The following TMPRSS11D variants were observed in gnomAD, a reference collection of about 807,000 sequenced individuals.
TMPRSS11D encodes the protein transmembrane protease serine 11D.
Under a neutral mutation model 44.4 loss-of-function variants are expected in TMPRSS11D, and 32 were observed. The ratio of observed to expected loss-of-function variants is 0.72; its 90% CI spans 0.54 to 0.97. The LOEUF (loss-of-function observed/expected upper bound fraction) is 0.97. Among genes scored for constraint, TMPRSS11D ranks in the 50% least tolerant of loss-of-function variants. The pLI, the probability that TMPRSS11D is intolerant of heterozygous loss-of-function variation, is 0.00. For missense variants in TMPRSS11D, 446 were observed against 502.6 expected, an observed-to-expected ratio of 0.89 and a Z score of 1.08; for synonymous variants, 179 against 177.9, an observed-to-expected ratio of 1.01 and a Z score of -0.05.
In TMPRSS11D at chr4:67,841,272, C is replaced by G. The variant is rs112025079; in HGVS notation, c.317+1286G>C. 1.9e-3 allele frequency among the ~76,000 whole-genome samples: 285 copies of G among 152,106 alleles called. 1 individual carries two copies. Among genetic ancestry groups the G allele is most frequent in the African/African-American group, 6.6e-3 (275 of 41,518 alleles). ...AGTGTGACCTGAGAAGATGAGAGGC[C>G]TAGAGCACAGCCTGATGTTCAGCAA... On this transcript the variant is annotated intron_variant, in intron 4 of 9. Coordinates refer to ENST00000283916, the MANE Select transcript of TMPRSS11D (RefSeq NM_004262.3).
intron 7 of TMPRSS11D, among the ~76,000 whole-genome samples, chr4:67,831,681 T>A (rs769676957): frequency 6.6e-6 from 1 of 152,126 alleles, no homozygotes; most frequent in Non-Finnish European, 1.5e-5. Context: ...TTTCTGCTTT[T>A]TGGCCTTTCA....
At chr4:67,839,367 T>C (rs910766107) in intron 4 of TMPRSS11D, among the ~76,000 whole-genome samples, 3 of 152,052 alleles carry the variant, frequency 2.0e-5, no homozygotes, top group Admixed American at 6.6e-5. Context: ...AGAAAACACT[T>C]TCTGCATAAA....
At chr4:67,828,616 G>A (rs192419482) in intron 7 of TMPRSS11D, among the ~76,000 whole-genome samples, 1 of 152,228 alleles carries the variant, frequency 6.6e-6, no homozygotes, top group East Asian at 1.9e-4. Context: ...TGCCAAAACT[G>A]TTTCGCCCAG....
intron 2 of TMPRSS11D, among the ~76,000 whole-genome samples, chr4:67,857,308 TATATATATATATATACACAC>T (rs1240897877): frequency 4.2e-4 from 3 of 7,224 alleles, no homozygotes; most frequent in African/African-American, 8.1e-4. Flanking sequence ...TATATATATA[TATATATATATATATACACAC>T]ACACACACAC....
chr4:67,833,306 C>A lies in TMPRSS11D; in HGVS notation c.590G>T (p.Ser197Ile). The change falls in exon 7 of 10, where the codon AGC (serine) becomes ATC (isoleucine). Residue 197 changes from serine (S) to isoleucine (I), a missense_variant. By Grantham distance (142) the Ser-to-Ile change is moderately radical. Transcript: ENST00000283916. ...ILGGTEAEEGSWPWQVSLRLN... is the reference protein window; with the variant it reads ...ILGGTEAEEGIWPWQVSLRLN... ...CCGCAGACTGACTTGCCACGGCCAG[C>A]TTCCCTCCTCAGCCTCAGTGCCTCC... The A allele has an allele frequency of 1.3e-6, 2 of 1,595,440 alleles. No homozygotes were observed. Among genetic ancestry groups the A allele is most frequent in the Non-Finnish European group, 1.7e-6 (2 of 1,171,364 alleles).
rs182153781 is a variant in TMPRSS11D at position 67,822,780 on chromosome 4, C to T, written c.1096-282G>A. The stretch of plus-strand genomic sequence containing the variant: ...CTAATCATCCAGGCTTTCTCTCCTT[C>T]GGGAAAACTTCTCTGATCAACCTTT... On this transcript the variant is annotated intron_variant, in intron 9 of 9. Transcript: ENST00000283916. Among the ~76,000 whole-genome samples the T allele has an allele frequency of 3.3e-4, 51 of 152,302 alleles. No individual in the cohort carries two copies. The East Asian group carries it at 6.6e-3, about 20-fold the overall frequency.
intron 9 of TMPRSS11D, among the ~76,000 whole-genome samples, chr4:67,825,493 C>T (rs1390853770): frequency 6.6e-6 from 1 of 152,020 alleles, no homozygotes; most frequent in African/African-American, 2.4e-5. Context: ...CGAGGTCTTT[C>T]TGATTCTTGA....
At chr4:67,862,999 T>C (rs1403472674) in intron 1 of TMPRSS11D, among the ~76,000 whole-genome samples, 4 of 151,564 alleles carry the variant, frequency 2.6e-5, no homozygotes, top group Non-Finnish European at 4.4e-5. Flanking sequence ...GGCACATGCA[T>C]ACATATGTAA....
intron 7 of TMPRSS11D, among the ~76,000 whole-genome samples, chr4:67,830,039 A>G (rs1717907319): frequency 6.6e-6 from 1 of 152,102 alleles, no homozygotes; most frequent in Non-Finnish European, 1.5e-5. Context: ...ATGGGAAGGT[A>G]GGTCATGCAA....
intron 1 of TMPRSS11D, among the ~76,000 whole-genome samples, chr4:67,862,278 A>G (rs928672010): frequency 3.3e-5 from 5 of 152,124 alleles, no homozygotes; most frequent in African/African-American, 9.7e-5. Flanking sequence ...TGCATTTTAA[A>G]TATAGGAAAG....
At chr4:67,834,347 A>G (rs563847175) in intron 6 of TMPRSS11D, among the ~76,000 whole-genome samples, 75 of 152,250 alleles carry the variant, frequency 4.9e-4, no homozygotes, top group South Asian at 2.1e-3. Context: ...CATCTCCCAA[A>G]CAAATACCCT....
At chr4:67,882,687 A>G (rs1191626114) in intron 1 of TMPRSS11D, among the ~76,000 whole-genome samples, 1 of 152,194 alleles carries the variant, frequency 6.6e-6, no homozygotes, top group Non-Finnish European at 1.5e-5. Flanking sequence ...AAAATGCACT[A>G]TATTACCCAA....
At chr4:67,865,404 T>C (rs796488482) in intron 1 of TMPRSS11D, among the ~76,000 whole-genome samples, 1 of 151,282 alleles carries the variant, frequency 6.6e-6, no homozygotes, top group Non-Finnish European at 1.5e-5. Flanking sequence ...TAAATCCCAA[T>C]GATGTACCTT....
intron 1 of TMPRSS11D, among the ~76,000 whole-genome samples, chr4:67,879,282 C>T (rs1372269335): frequency 6.6e-6 from 1 of 151,616 alleles, no homozygotes; most frequent in Non-Finnish European, 1.5e-5. Context: ...GAGATCGAGA[C>T]CATCCTGGCT....
intron 1 of TMPRSS11D, among the ~76,000 whole-genome samples, chr4:67,863,160 G>A (rs1257966952): frequency 1.3e-5 from 2 of 151,056 alleles, no homozygotes; most frequent in Non-Finnish European, 1.5e-5. Context: ...ATGACCTTGG[G>A]CAACTACACT....
At chr4:67,844,392 T>G (rs1718308922) in intron 3 of TMPRSS11D, among the ~76,000 whole-genome samples, 1 of 152,210 alleles carries the variant, frequency 6.6e-6, no homozygotes, top group Non-Finnish European at 1.5e-5. Flanking sequence ...TTGAACAATT[T>G]TAAGAACAAT....
At chr4:67,881,397 G>T (rs935034507) in intron 1 of TMPRSS11D, among the ~76,000 whole-genome samples, 2 of 152,110 alleles carry the variant, frequency 1.3e-5, no homozygotes, top group Non-Finnish European at 2.9e-5. Context: ...CTGTATGCAG[G>T]CCCGTCCCAC....
chr4:67,867,729 C>T (rs770962474), intron 1 of TMPRSS11D, among the ~76,000 whole-genome samples: 7 of 151,988 alleles, frequency 4.6e-5, no homozygotes, highest in Non-Finnish European at 7.4e-5. Context: ...AAAAAATGCT[C>T]AATATCACTA....
chr4:67,882,999 C>A (rs1719356679), intron 1 of TMPRSS11D, among the ~76,000 whole-genome samples: 1 of 151,878 alleles, frequency 6.6e-6, no homozygotes, highest in Non-Finnish European at 1.5e-5. Context: ...GAAGCTTAGA[C>A]AGCTATCCAC....
Sources: gnomAD v4.1 joint callset for allele counts (sites outside exome capture counted in the v4.1 genomes callset) on GRCh38, gnomAD v4.1.1 for gene constraint, MANE v1.5 for transcripts, NCBI Gene and HGNC (gene_info 2026-07-23, HGNC 2026-07-21) for gene names.